HNRNPM: variants seen among roughly 807,000 people sequenced by gnomAD.
The protein encoded by HNRNPM is heterogeneous nuclear ribonucleoprotein M.
Under a neutral mutation model 73.1 loss-of-function variants are expected in HNRNPM, and 11 were observed. The observed-to-expected ratio is 0.15, with a 90% CI of 0.09 to 0.25. The LOEUF (loss-of-function observed/expected upper bound fraction) is 0.25. HNRNPM is among the 10% of genes least tolerant of loss of function. The probability of loss-of-function intolerance (pLI) is 1.00; values close to 1 mark genes in which losing one functional copy is unlikely to be tolerated. For synonymous variants in HNRNPM, 407 were observed against 355.2 expected, an observed-to-expected ratio of 1.15 and a Z score of -1.64; for missense variants, 789 against 1,067.9, an observed-to-expected ratio of 0.74 and a Z score of 3.64.
intron 1 of HNRNPM, among the ~76,000 whole-genome samples, chr19:8,449,354 A>C (rs947729234): frequency 1.1e-4 from 17 of 152,122 alleles, no homozygotes; most frequent in Non-Finnish European, 1.9e-4. Flanking sequence ...TTGAAAGCTA[A>C]ATTGTCCCTT....
intron 13 of HNRNPM, among the ~76,000 whole-genome samples, chr19:8,484,166 C>T (rs1971107222): frequency 7.0e-6 from 1 of 142,640 alleles, no homozygotes. Flanking sequence ...ACCATTTCCT[C>T]CCATTTCTTT....
chr19:8,473,321 C>T lies in HNRNPM; in HGVS notation c.998-343C>T, dbSNP rs1383425399. On this transcript the variant is annotated intron_variant, in intron 10 of 15. Transcript: ENST00000325495. ...ATCCCTCAGAAAAAGATTAGCCAGG[C>T]GTGGTAGCAGGCGCCTGTAATCTCA... 2.0e-5 allele frequency among the ~76,000 whole-genome samples: 3 copies of T among 151,942 alleles called. No individual in the cohort carries two copies. The South Asian group carries it at 6.2e-4, about 32-fold the overall frequency.
chr19:8,481,997 C>T (rs1303695991), intron 12 of HNRNPM, among the ~76,000 whole-genome samples: 3 of 131,708 alleles, frequency 2.3e-5, no homozygotes, highest in African/African-American at 8.5e-5. Context: ...TTCTTAGAGA[C>T]AGAGTCTCAC....
chr19:8,475,344 T>A (rs913940309), intron 12 of HNRNPM, among the ~76,000 whole-genome samples: 1 of 152,252 alleles, frequency 6.6e-6, no homozygotes, highest in African/African-American at 2.4e-5. Context: ...AAATCCTTTA[T>A]GTGTTGGTGA....
chr19:8,485,530 A>T (rs1568301890), intron 13 of HNRNPM, 73 bp from the exon 14 acceptor site: 1 of 1,419,590 alleles, frequency 7.0e-7, no homozygotes, highest in Non-Finnish European at 9.6e-7. Flanking sequence ...CATGAGCTGA[A>T]GTGGTCTGGC....
intron 1 of HNRNPM, among the ~76,000 whole-genome samples, chr19:8,448,596 G>A (rs1435737825): frequency 6.6e-6 from 1 of 151,692 alleles, no homozygotes; most frequent in East Asian, 1.9e-4. Flanking sequence ...TCCTGCCTCA[G>A]CCTCACGAGT....
intron 13 of HNRNPM, among the ~76,000 whole-genome samples, chr19:8,483,705 G>A (rs17160520): frequency 0.22 from 33,168 of 152,142 alleles, 4,543 homozygotes; most frequent in East Asian, 0.5. Flanking sequence ...GATGACTGCC[G>A]GAAACATTTT....
intron 1 of HNRNPM, among the ~76,000 whole-genome samples, chr19:8,450,037 A>G (rs1435090867): frequency 2.6e-5 from 4 of 152,206 alleles, no homozygotes; most frequent in Non-Finnish European, 4.4e-5. Flanking sequence ...TTTTGCTGGT[A>G]AAGCGCTAGA....
intron 14 of HNRNPM, 101 bp downstream of exon 14, chr19:8,486,506 G>C: frequency 1.0e-6 from 1 of 959,688 alleles, no homozygotes; most frequent in Non-Finnish European, 1.5e-6. Flanking sequence ...CTTCAAAGGG[G>C]ACCACACCTC....
intron 1 of HNRNPM, among the ~76,000 whole-genome samples, chr19:8,452,131 T>C (rs1968674602): frequency 6.6e-6 from 1 of 152,166 alleles, no homozygotes; most frequent in Admixed American, 6.5e-5. Flanking sequence ...TTAGATTGGA[T>C]AGTTTATTCG....
intron 12 of HNRNPM, among the ~76,000 whole-genome samples, chr19:8,481,187 G>A (rs1006333009): frequency 6.6e-6 from 1 of 152,180 alleles, no homozygotes; most frequent in Non-Finnish European, 1.5e-5. Flanking sequence ...AATTTGGATA[G>A]GCCTGTGGTC....
At chr19:8,467,063 A>G (rs1034200544) in intron 7 of HNRNPM, among the ~76,000 whole-genome samples, 2 of 138,134 alleles carry the variant, frequency 1.4e-5, no homozygotes, top group Admixed American at 7.9e-5. Context: ...TCCAGTGAGT[A>G]GACATCATTT....
chr19:8,466,457 G>GTAA lies in HNRNPM; in HGVS notation c.784+70_784+71insAAT, dbSNP rs1969750466. The GTAA allele has an allele frequency of 6.1e-6, 9 of 1,467,524 alleles. No homozygotes were observed. In the Admixed American group the frequency reaches 1.5e-4, roughly 25 times the overall value. The allele number at this position is 1,467,524 out of a possible 1,614,324, so 90.9% of individuals were successfully genotyped here. Reference sequence around the variant, plus strand: ...ATTGCTGTGTTAGTAATGTAGGTTTGTGTGAGGAAGAGGTGACTGTGTGTA... The same window carrying GTAA: ...ATTGCTGTGTTAGTAATGTAGGTTTGTAATGTGAGGAAGAGGTGACTGTGTGTA... On this transcript the variant is annotated intron_variant, in intron 7 of 15. Coordinates refer to ENST00000325495, the MANE Select transcript of HNRNPM (RefSeq NM_005968.5).
intron 2 of HNRNPM, among the ~76,000 whole-genome samples, chr19:8,457,959 G>A (rs1436639811): frequency 6.6e-6 from 1 of 152,216 alleles, no homozygotes; most frequent in Non-Finnish European, 1.5e-5. Flanking sequence ...ATCAGTCTGT[G>A]TTTTAAGGTC....
chr19:8,485,855 T>C lies in HNRNPM; in HGVS notation c.1427T>C (p.Met476Thr), dbSNP rs1971249936. Reference protein sequence around the residue: ...ASSIERMGQTMERIGSGVERM... With the variant: ...ASSIERMGQTTERIGSGVERM... ...AGCATTGAGCGCATGGGCCAGACCA[T>C]GGAGCGCATTGGCTCTGGCGTGGAG... Residue 476 changes from methionine (M) to threonine (T), a missense_variant, in exon 14 of 16, where the codon ATG becomes ACG. Met to Thr is a moderately conservative substitution (Grantham distance 81). This residue lies in a region of HNRNPM where 604 missense variants were observed against 744.0 expected (regional missense o/e 0.81). Transcript: ENST00000325495. The C allele has an allele frequency of 6.2e-7, 1 of 1,603,324 alleles. No homozygotes were observed. The highest frequency in any genetic ancestry group is 1.7e-4 in the Middle Eastern group (1 of 6,054).
chr19:8,453,727 T>G (rs1382607466), intron 1 of HNRNPM, among the ~76,000 whole-genome samples: 1 of 152,118 alleles, frequency 6.6e-6, no homozygotes, highest in African/African-American at 2.4e-5. Context: ...AAACTTGAGG[T>G]GGCTTCTGGC....
intron 2 of HNRNPM, 43 bp downstream of exon 2, chr19:8,455,617 T>C (rs761263870): frequency 6.6e-7 from 1 of 1,525,274 alleles, no homozygotes; most frequent in Non-Finnish European, 9.0e-7. Flanking sequence ...GGTTGGTGTG[T>C]CATCTTTTCT....
intron 8 of HNRNPM, 34 bp from the exon 9 acceptor site, chr19:8,468,740 A>G (rs758375343): frequency 6.4e-7 from 1 of 1,565,018 alleles, no homozygotes; most frequent in Non-Finnish European, 8.8e-7. Context: ...GCTGCACTGG[A>G]TACTGAGATT....
At chr19:8,455,866 T>C (rs1442310543) in intron 2 of HNRNPM, among the ~76,000 whole-genome samples, 2 of 151,918 alleles carry the variant, frequency 1.3e-5, no homozygotes, top group Non-Finnish European at 2.9e-5. Flanking sequence ...AGGCTTCGAT[T>C]AGGCTTCCGG....
Sources: allele counts gnomAD v4.1 joint callset (sites outside exome capture counted in the v4.1 genomes callset), GRCh38; gene constraint gnomAD v4.1.1; regional missense constraint gnomAD v4.1.1; transcripts MANE v1.5; gene names NCBI Gene and HGNC (gene_info 2026-07-23, HGNC 2026-07-21).